The following GFI1B variants were observed in gnomAD, a reference collection of about 807,000 sequenced individuals.
GFI1B encodes growth factor independent 1B transcriptional repressor.
Under a neutral mutation model 35.3 loss-of-function variants are expected in GFI1B, and 20 were observed. That is an observed-to-expected ratio of 0.57 (90% CI 0.40 to 0.82). The LOEUF (loss-of-function observed/expected upper bound fraction) is 0.82, where lower values mean the gene tolerates loss of function less well. GFI1B is among the 40% of genes least tolerant of loss of function. The probability of loss-of-function intolerance (pLI) is 0.00; values close to 1 mark genes in which losing one functional copy is unlikely to be tolerated. For missense variants in GFI1B, 430 were observed against 446.3 expected (o/e 0.96, Z 0.33); for synonymous variants, 178 against 177.6 (o/e 1.00, Z -0.02).
chr9:132,988,422 G>A lies in GFI1B; in HGVS notation c.464G>A (p.Arg155His), dbSNP rs560461496. ...STEPALDFSL[R>H]YSPGMDAYHC... ...GAGCCCGCCTTGGACTTCAGCCTCC[G>A]CTACTCCCCAGGCATGGATGCGTAC... The change falls in exon 4 of 7, where the codon CGC becomes CAC. Residue 155 changes from arginine to histidine, a missense_variant. Transcript: ENST00000372122. The A allele has an allele frequency of 1.1e-5, 18 of 1,613,982 alleles. No homozygotes were observed. The highest frequency in any genetic ancestry group is 4.5e-5 in the East Asian group (2 of 44,882).
intron 1 of GFI1B, among the ~76,000 whole-genome samples, chr9:132,983,888 C>T (rs920828259): frequency 6.6e-6 from 1 of 152,220 alleles, no homozygotes; most frequent in Admixed American, 6.5e-5. Context: ...AGACCCCAGT[C>T]CTTCCCTGCT....
intron 1 of GFI1B, among the ~76,000 whole-genome samples, chr9:132,962,187 G>T (rs991027655): frequency 3.4e-5 from 5 of 148,984 alleles, no homozygotes; most frequent in African/African-American, 1.2e-4. Context: ...ACACAGGCTG[G>T]AGTACAGTGG....
At chr9:132,962,418 G>A in intron 1 of GFI1B, 2 of 327,922 alleles carry the variant, frequency 6.1e-6, no homozygotes, top group South Asian at 5.5e-5. Flanking sequence ...GATTACAAGT[G>A]TGAGCCTCCT....
chr9:132,962,594 A>T (rs145363626), intron 1 of GFI1B: 1 of 509,486 alleles, frequency 2.0e-6, no homozygotes, highest in Non-Finnish European at 4.0e-6. Context: ...CAGTGGAATC[A>T]GATGAAAACT....
At chr9:132,987,110 C>T (rs1849096536) in intron 2 of GFI1B, among the ~76,000 whole-genome samples, 172 bp from the exon 3 acceptor site, 1 of 152,212 alleles carries the variant, frequency 6.6e-6, no homozygotes, top group Non-Finnish European at 1.5e-5. Flanking sequence ...CTCCTGGCCT[C>T]TTCTTGCCGC....
At chr9:132,949,342 T>TAC (rs367698473) in intron 1 of GFI1B, among the ~76,000 whole-genome samples, 1,236 of 110,550 alleles carry the variant, frequency 0.011, 13 homozygotes, top group East Asian at 0.05. Flanking sequence ...CACACACACA[T>TAC]ACACACACAC....
At chr9:132,947,806 C>G (rs1848142477) in intron 1 of GFI1B, among the ~76,000 whole-genome samples, 1 of 131,906 alleles carries the variant, frequency 7.6e-6, no homozygotes. Flanking sequence ...GAGACTTGGT[C>G]TCCAAAAAAA....
At chr9:132,968,977 C>T (rs1052976300) in intron 1 of GFI1B, among the ~76,000 whole-genome samples, 4 of 152,094 alleles carry the variant, frequency 2.6e-5, no homozygotes, top group East Asian at 1.9e-4. Flanking sequence ...ACTCCCCAGT[C>T]GCCTGTCCCC....
At chr9:132,957,219 C>G (rs1044307532) in intron 1 of GFI1B, among the ~76,000 whole-genome samples, 6 of 152,332 alleles carry the variant, frequency 3.9e-5, no homozygotes, top group African/African-American at 1.2e-4. Context: ...ATGCTTAGCA[C>G]ACAAACGTGC....
upstream of GFI1B, chr9:132,978,566 C>A (rs1314659509): frequency 1.3e-5 from 2 of 152,208 alleles, no homozygotes; most frequent in African/African-American, 4.8e-5. Context: ...AGTCTTGTGT[C>A]CTGGAAAGTT....
intron 1 of GFI1B, among the ~76,000 whole-genome samples, chr9:132,949,416 G>A (rs1033849362): frequency 6.6e-6 from 1 of 151,970 alleles, no homozygotes; most frequent in Non-Finnish European, 1.5e-5. Context: ...CACTGAACCA[G>A]CCTGATTCTC....
intron 1 of GFI1B, among the ~76,000 whole-genome samples, chr9:132,947,526 T>C (rs577331954): frequency 2.0e-5 from 3 of 151,780 alleles, no homozygotes; most frequent in Admixed American, 6.6e-5. Context: ...CAAAGTAAAG[T>C]GGCCTGGCGC....
chr9:132,953,063 A>G (rs1291507447), intron 1 of GFI1B: 1 of 152,210 alleles, frequency 6.6e-6, no homozygotes, highest in Non-Finnish European at 1.5e-5. Context: ...TGTATAGACT[A>G]TTTACATTTA....
At chr9:132,954,237 C>T (rs867901853) in intron 1 of GFI1B, among the ~76,000 whole-genome samples, 2 of 151,942 alleles carry the variant, frequency 1.3e-5, no homozygotes, top group African/African-American at 4.8e-5. Flanking sequence ...ACTACAGGCA[C>T]GTGCACCACC....
upstream of GFI1B, among the ~76,000 whole-genome samples, chr9:132,977,695 G>A (rs561823505): frequency 6.6e-6 from 1 of 152,158 alleles, no homozygotes; most frequent in Admixed American, 6.5e-5. Context: ...GGGAGCCAGG[G>A]GATGGGACGC....
At chr9:132,980,021 T>C (rs543629162) in intron 1 of GFI1B, among the ~76,000 whole-genome samples, 2 of 152,202 alleles carry the variant, frequency 1.3e-5, no homozygotes, top group African/African-American at 4.8e-5. Context: ...AAGTGTCAAG[T>C]TTCTTGTCCT....
chr9:132,983,964 G>A (rs900302562), intron 1 of GFI1B, among the ~76,000 whole-genome samples: 6 of 152,174 alleles, frequency 3.9e-5, no homozygotes, highest in African/African-American at 9.7e-5. Context: ...GGACAGCAGC[G>A]GGACTCAGCA....
In GFI1B at chr9:132,985,016, G is replaced by A. The variant is rs1334643986; in HGVS notation, c.-20-1643G>A. ...CTGAAGCAGCTGTGATCCCTCTCCC[G>A]CCTTCTCCGGACCCTATCACCCCTG... On this transcript the variant is annotated intron_variant, in intron 1 of 6. Coordinates refer to ENST00000372122, the MANE Select transcript of GFI1B (RefSeq NM_001377304.1). Among the ~76,000 whole-genome samples, 6 of 145,978 alleles carry A rather than the reference G, an allele frequency of 4.1e-5. No homozygotes were observed. The East Asian group carries it at 6.7e-4, about 16-fold the overall frequency.
chr9:132,965,168 A>G (rs1848431580), intron 1 of GFI1B, among the ~76,000 whole-genome samples: 1 of 152,210 alleles, frequency 6.6e-6, no homozygotes, highest in Non-Finnish European at 1.5e-5. Context: ...CCTAGTTCTG[A>G]ACACTGAAAC....
Sources: gnomAD v4.1 joint callset for allele counts (sites outside exome capture counted in the v4.1 genomes callset) on GRCh38, gnomAD v4.1.1 for gene constraint, MANE v1.5 for transcripts, NCBI Gene and HGNC (gene_info 2026-07-23, HGNC 2026-07-21) for gene names.